The following GFOD1 variants were observed in gnomAD, a reference collection of about 807,000 sequenced individuals.
GFOD1 encodes the protein Gfo/Idh/MocA-like oxidoreductase domain containing 1.
GFOD1 carries 9 observed loss-of-function variants against 25.4 expected under a neutral mutation model. The ratio of observed to expected loss-of-function variants is 0.35; its 90% CI spans 0.21 to 0.62. GFOD1 has a LOEUF of 0.62. Ranked by LOEUF, GFOD1 falls within the 20% of genes least tolerant of loss-of-function variation. GFOD1 has a pLI of 0.72. For missense variants in GFOD1, 403 were observed against 556.9 expected (o/e 0.72, Z 2.78); for synonymous variants, 253 against 245.6 (o/e 1.03, Z -0.28).
chr6:13,406,352 G>C (rs1028565092), intron 1 of GFOD1, among the ~76,000 whole-genome samples: 1 of 152,156 alleles, frequency 6.6e-6, no homozygotes, highest in African/African-American at 2.4e-5. Context: ...GCTTTCTGTA[G>C]CACCCCTCCT....
chr6:13,403,683 T>C (rs1217962151), intron 1 of GFOD1, among the ~76,000 whole-genome samples: 1 of 152,244 alleles, frequency 6.6e-6, no homozygotes, highest in Non-Finnish European at 1.5e-5. Context: ...ATGAAATATA[T>C]TCAGCCATAA....
chr6:13,480,010 G>T (rs147744727), intron 1 of GFOD1, among the ~76,000 whole-genome samples: 328 of 152,250 alleles, frequency 2.2e-3, no homozygotes, highest in Middle Eastern at 0.01. Context: ...TTCCGCTGGC[G>T]TGGCAATGCT....
chr6:13,360,607 C>T lies in GFOD1; in HGVS notation c.*4136G>A. 1 of 432,630 alleles carries T rather than the reference C, an allele frequency of 2.3e-6. No individual in the cohort carries two copies. Among genetic ancestry groups the T allele is most frequent in the Non-Finnish European group, 4.7e-6 (1 of 210,808 alleles). 26.8% of individuals were successfully genotyped at this position (432,630 alleles called of 1,614,324 possible). A position where few individuals can be genotyped will look rare whatever the true frequency, so the allele number is the denominator to read the frequency against. Reference sequence around the variant, plus strand: ...CTGCATCACCTACAATCAAAATGAACATAGGAAGTCAATTTTAAAAAAGGC... The same window carrying T: ...CTGCATCACCTACAATCAAAATGAATATAGGAAGTCAATTTTAAAAAAGGC... On this transcript the variant is annotated 3_prime_UTR_variant, in exon 2 of 2. Transcript: ENST00000379287.
In GFOD1 at chr6:13,377,299, T is replaced by C. The variant is rs78586068; in HGVS notation, c.254-11637A>G. On this transcript the variant is annotated intron_variant, in intron 1 of 1. Coordinates refer to ENST00000379287, the MANE Select transcript of GFOD1 (RefSeq NM_018988.4). ...GCAGCTTAAAACAACACCCATTTAC[T>C]GCTTTTCAGTTCTCTAGAACAGAAG... is the stretch of plus-strand genomic sequence containing the variant. 3.3e-4 allele frequency among the ~76,000 whole-genome samples: 51 copies of C among 152,338 alleles called. No homozygotes were observed. The East Asian group carries it at 9.4e-3, about 28-fold the overall frequency.
intron 1 of GFOD1, chr6:13,470,743 T>G (rs2127577428): frequency 2.2e-6 from 3 of 1,376,862 alleles, no homozygotes; most frequent in Non-Finnish European, 2.9e-6. Context: ...GGGACACATT[T>G]AAATAACAAG....
chr6:13,392,176 CACA>C (rs544245584), intron 1 of GFOD1, among the ~76,000 whole-genome samples: 103 of 151,990 alleles, frequency 6.8e-4, no homozygotes, highest in African/African-American at 2.4e-3. Context: ...GCCTGGGCGA[CACA>C]ACAAGATGCC....
At chr6:13,456,055 A>G (rs1758182678) in intron 1 of GFOD1, among the ~76,000 whole-genome samples, 1 of 152,226 alleles carries the variant, frequency 6.6e-6, no homozygotes, top group Non-Finnish European at 1.5e-5. Flanking sequence ...CAAGAAGGAC[A>G]TGGGTCTCAG....
intron 1 of GFOD1, among the ~76,000 whole-genome samples, chr6:13,372,939 A>C (rs1785179587): frequency 6.6e-6 from 1 of 152,232 alleles, no homozygotes; most frequent in African/African-American, 2.4e-5. Context: ...CAGCTGTCCC[A>C]GCAGATTGGC....
intron 1 of GFOD1, among the ~76,000 whole-genome samples, chr6:13,367,842 G>T (rs1785076763): frequency 6.6e-6 from 1 of 151,698 alleles, no homozygotes; most frequent in African/African-American, 2.4e-5. Flanking sequence ...GGGAGTCAAA[G>T]CACCTGTCCT....
chr6:13,474,817 G>A (rs546515734), intron 1 of GFOD1, among the ~76,000 whole-genome samples: 1 of 152,308 alleles, frequency 6.6e-6, no homozygotes, highest in African/African-American at 2.4e-5. Context: ...CCTGGCAGAG[G>A]GTTCAGTGGA....
chr6:13,432,593 G>A (rs959602721), intron 1 of GFOD1, among the ~76,000 whole-genome samples: 4 of 152,108 alleles, frequency 2.6e-5, no homozygotes, highest in African/African-American at 9.7e-5. Context: ...TCAGCCAAAG[G>A]TGACGCTTCT....
chr6:13,468,678 A>G (rs1185963574), intron 1 of GFOD1, among the ~76,000 whole-genome samples: 1 of 152,136 alleles, frequency 6.6e-6, no homozygotes, highest in African/African-American at 2.4e-5. Flanking sequence ...TTCCTCTGAG[A>G]CTTGGTTTCC....
chr6:13,403,598 T>C (rs559861140), intron 1 of GFOD1, among the ~76,000 whole-genome samples: 1 of 152,354 alleles, frequency 6.6e-6, no homozygotes, highest in East Asian at 1.9e-4. Context: ...TATAATACTA[T>C]GAGACCACCA....
At chr6:13,393,493 T>C (rs1222936002) in intron 1 of GFOD1, among the ~76,000 whole-genome samples, 2 of 151,190 alleles carry the variant, frequency 1.3e-5, no homozygotes, top group Non-Finnish European at 2.9e-5. Context: ...AGAGAGACCC[T>C]GCAGACACAG....
intron 1 of GFOD1, among the ~76,000 whole-genome samples, chr6:13,413,792 G>C (rs936303188): frequency 9.9e-5 from 15 of 152,204 alleles, no homozygotes; most frequent in Non-Finnish European, 2.1e-4. Flanking sequence ...TGGCAGATAA[G>C]ACCCCAAGGC....
At chr6:13,384,669 C>T (rs1433895932) in intron 1 of GFOD1, among the ~76,000 whole-genome samples, 1 of 152,210 alleles carries the variant, frequency 6.6e-6, no homozygotes, top group African/African-American at 2.4e-5. Flanking sequence ...TGAGTGATTA[C>T]AGGGAGACCA....
At chr6:13,424,879 A>T (rs1256495396) in intron 1 of GFOD1, among the ~76,000 whole-genome samples, 2 of 152,042 alleles carry the variant, frequency 1.3e-5, no homozygotes, top group Admixed American at 1.3e-4. Flanking sequence ...TAACTGTAGC[A>T]GCTCCAAAAT....
At chr6:13,379,961 A>G (rs1247363139) in intron 1 of GFOD1, among the ~76,000 whole-genome samples, 2 of 152,250 alleles carry the variant, frequency 1.3e-5, no homozygotes, top group African/African-American at 4.8e-5. Flanking sequence ...ACTTACCTGT[A>G]AAACTGGAAT....
At chr6:13,484,016 G>A (rs1056106358) in intron 1 of GFOD1, among the ~76,000 whole-genome samples, 1 of 152,176 alleles carries the variant, frequency 6.6e-6, no homozygotes, top group Non-Finnish European at 1.5e-5. Context: ...TGGTAGAAAT[G>A]CCTCTACAAC....
Sources: gnomAD v4.1 joint callset for allele counts (sites outside exome capture counted in the v4.1 genomes callset) on GRCh38, gnomAD v4.1.1 for gene constraint, MANE v1.5 for transcripts, NCBI Gene and HGNC (gene_info 2026-07-23, HGNC 2026-07-21) for gene names.